The following KIF2C variants were observed in gnomAD, a reference collection of about 807,000 sequenced individuals.
The protein encoded by KIF2C is kinesin-like protein KIF2C.
A neutral mutation model predicts 97.4 loss-of-function variants in KIF2C; 34 were observed. The observed-to-expected ratio is 0.35, with a 90% confidence interval of 0.27 to 0.46. The LOEUF (loss-of-function observed/expected upper bound fraction) is 0.46. Ranked by LOEUF, KIF2C falls within the 20% of genes least tolerant of loss-of-function variation. The pLI, the probability that KIF2C is intolerant of heterozygous loss-of-function variation, is 1.00. For missense variants in KIF2C, 750 were observed against 907.6 expected (o/e 0.83, Z 2.23); for synonymous variants, 313 against 318.2 (o/e 0.98, Z 0.17).
At chr1:44,741,121 G>A (rs1183922680) in intron 2 of KIF2C, 114 bp downstream of exon 2, 11 of 757,268 alleles carry the variant, frequency 1.5e-5, no homozygotes, top group African/African-American at 8.8e-5. Flanking sequence ...TCTCACTCAC[G>A]CCTGTAATCC....
chr1:44,764,569 G>T (rs1037946005), intron 19 of KIF2C, among the ~76,000 whole-genome samples: 1 of 151,708 alleles, frequency 6.6e-6, no homozygotes, highest in African/African-American at 2.4e-5. Flanking sequence ...GAGTGCAACG[G>T]CACCATCTCG....
Position 44,760,106 on chromosome 1 carries a change from T to C in KIF2C, c.1368-174T>C, listed in dbSNP as rs913916093. On this transcript the variant is annotated intron_variant, in intron 14 of 20. Transcript: ENST00000372224. This position sits in a 1 kb window ranked among gnomAD's most constrained non-coding sequence, Gnocchi z 4.2. ...TTGGCTGCCAGGAAAATGTATTAGGTCCAGAGCTGGAGGGAGAATTGCTAC... is the reference window on the plus strand; with the variant it reads ...TTGGCTGCCAGGAAAATGTATTAGGCCCAGAGCTGGAGGGAGAATTGCTAC... Among the ~76,000 whole-genome samples the C allele has an allele frequency of 6.6e-6, 1 of 152,006 alleles. No individual in the cohort carries two copies. Among genetic ancestry groups the C allele is most frequent in the African/African-American group, 2.4e-5 (1 of 41,398 alleles).
chr1:44,765,507 TGAG>T (rs1213829892), intron 19 of KIF2C, among the ~76,000 whole-genome samples: 8 of 151,958 alleles, frequency 5.3e-5, no homozygotes, highest in Admixed American at 6.6e-5. Context: ...GGAGCAGAAT[TGAG>T]GAGGATTTGG....
At chr1:44,754,200 C>A (rs887242648) in intron 7 of KIF2C, among the ~76,000 whole-genome samples, 2 of 151,974 alleles carry the variant, frequency 1.3e-5, no homozygotes, top group Non-Finnish European at 2.9e-5. Context: ...GGATTGTAGG[C>A]ATGAGCTGTT....
chr1:44,759,241 C>A lies in KIF2C; in HGVS notation c.1260C>A (p.Arg420=), dbSNP rs776412145. The change falls in exon 14 of 21, where the codon CGC becomes CGA. Residue 420 remains arginine, a synonymous_variant. Transcript: ENST00000372224. ...FDLLNKKAKL[R]VLEDGKQQVQ... is the part of the protein sequence containing the mutation. ...TGCTCAACAAGAAGGCCAAGCTGCG[C>A]GTGCTGGAGGACGGCAAGCAACAGG... 22 of 1,614,132 alleles carry A rather than the reference C, an allele frequency of 1.4e-5. No homozygotes were observed. In the South Asian group the frequency reaches 2.3e-4, roughly 17 times the overall value.
chr1:44,746,543 A>T, intron 2 of KIF2C: 1 of 1,346,522 alleles, frequency 7.4e-7, no homozygotes, highest in Non-Finnish European at 9.5e-7. Flanking sequence ...GACAGTTAGA[A>T]CTTGTTTCCT....
intron 19 of KIF2C, among the ~76,000 whole-genome samples, chr1:44,766,085 C>T (rs548986325): frequency 1.3e-5 from 2 of 149,174 alleles, no homozygotes; most frequent in East Asian, 4.0e-4. Flanking sequence ...AATTAGCTGG[C>T]TATGGTGGTG....
chr1:44,761,935 G>A lies in KIF2C; in HGVS notation c.1703G>A (p.Gly568Asp), dbSNP rs1557600787. The change falls in exon 17 of 21, where the codon GGC becomes GAC. Residue 568 changes from glycine to aspartate, a missense_variant. Gly to Asp is a moderately conservative substitution (Grantham distance 94). Coordinates refer to ENST00000372224, the MANE Select transcript of KIF2C (RefSeq NM_006845.4). ...TTGCAGATTGCCACGATCTCACCAG[G>A]CATAAGCTCCTGTGAATATACTTTA... Reference protein sequence around the residue: ...RTCMIATISPGISSCEYTLNT... With the variant: ...RTCMIATISPDISSCEYTLNT... 1.9e-6 allele frequency: 3 copies of A among 1,614,152 alleles called. No homozygotes were observed. The highest frequency in any genetic ancestry group is 2.5e-6 in the Non-Finnish European group (3 of 1,180,012).
In KIF2C at chr1:44,760,508, TG is replaced by T. The variant is rs1557599787; in HGVS notation, c.1572+26del. On this transcript the variant is annotated intron_variant, in intron 15 of 20. Transcript: ENST00000372224. This position sits in a 1 kb window ranked among gnomAD's most constrained non-coding sequence, Gnocchi z 4.2. The stretch of plus-strand genomic sequence containing the variant: ...AGGTAGTGGGGCAGCTAGAGCTGGT[TG>T]GCCGGGAGAGCTACTGGGAAGGGAT... 6 of 1,613,218 alleles carry T rather than the reference TG, an allele frequency of 3.7e-6. No individual in the cohort carries two copies. In the East Asian group the frequency reaches 1.3e-4, roughly 36 times the overall value.
At position 44,756,358 on chromosome 1, in the gene KIF2C, TTTTCTTTGGGTCACACCC is replaced by T. The variant is rs1256661079; in HGVS notation, c.977+125_977+142del. On this transcript the variant is annotated intron_variant, in intron 10 of 20. Coordinates refer to ENST00000372224, the MANE Select transcript of KIF2C (RefSeq NM_006845.4). ...CTGAGGCTCTTCCTCGCTTCTTGTG[TTTTCTTTGGGTCACACCC>T]TTTGGCAGCTTAGTGGCCCATCCTT... is the stretch of plus-strand genomic sequence containing the variant. 5.6e-6 allele frequency: 6 copies of T among 1,076,420 alleles called. No individual in the cohort carries two copies. In the Middle Eastern group the frequency reaches 1.0e-3, roughly 186 times the overall value. The allele number at this position is 1,076,420 out of a possible 1,614,324, so 66.7% of individuals were successfully genotyped here. A position where few individuals can be genotyped will look rare whatever the true frequency, so the allele number is the denominator to read the frequency against.
chr1:44,756,168 A>T lies in KIF2C; in HGVS notation c.908A>T (p.Tyr303Phe). ...AAGTTGAAAGTGGACTTAACAAAGT[A>T]TCTGGAGAACCAAGCATTCTGCTTT... ...EPKLKVDLTKYLENQAFCFDF... is the reference protein window; with the variant it reads ...EPKLKVDLTKFLENQAFCFDF... The change falls in exon 10 of 21, where the codon TAT (tyrosine) becomes TTT (phenylalanine). Residue 303 changes from tyrosine to phenylalanine, a missense_variant. Transcript: ENST00000372224. 6.2e-7 allele frequency: 1 copy of T among 1,614,278 alleles called. No individual in the cohort carries two copies. Among genetic ancestry groups the T allele is most frequent in the South Asian group, 1.1e-5 (1 of 91,092 alleles).
In KIF2C at chr1:44,762,550, C is replaced by G; in HGVS notation, c.1863C>G (p.Ser621=). The part of the protein sequence containing the change: ...SNGALIPGNL[S]KEEEELSSQM... ...TTTCTTTTTGGCCCTCTCAGTTATCCAAGGAAGAGGAGGAACTGTCTTCCC... is the reference window on the plus strand; with the variant it reads ...TTTCTTTTTGGCCCTCTCAGTTATCGAAGGAAGAGGAGGAACTGTCTTCCC... Residue 621 remains serine, a synonymous_variant, in exon 19 of 21, where the codon TCC becomes TCG. Transcript: ENST00000372224. 1.9e-6 allele frequency: 3 copies of G among 1,613,746 alleles called. No homozygotes were observed. Among genetic ancestry groups the G allele is most frequent in the Non-Finnish European group, 2.5e-6 (3 of 1,179,650 alleles).
chr1:44,756,073 A>C lies in KIF2C; in HGVS notation c.815-2A>C, dbSNP rs1361374337. ...ACCCCCTGAAATACTCTCCTTCTGC[A>C]GAATTGGCCAAGAAAGAAATTGATG... On this transcript the variant is annotated splice_acceptor_variant, in intron 9 of 20. Transcript: ENST00000372224. LOFTEE classifies it high-confidence loss of function. 1 of 1,614,112 alleles carries C rather than the reference A, an allele frequency of 6.2e-7. No homozygotes were observed. Among genetic ancestry groups the C allele is most frequent in the Non-Finnish European group, 8.5e-7 (1 of 1,180,038 alleles).
At chr1:44,766,538 G>A (rs904962736) in intron 19 of KIF2C, among the ~76,000 whole-genome samples, 1 of 152,120 alleles carries the variant, frequency 6.6e-6, no homozygotes, top group Non-Finnish European at 1.5e-5. Context: ...TTAAACTCGG[G>A]GGGTGGAGGC....
intron 10 of KIF2C, 101 bp from the exon 11 acceptor site, chr1:44,757,455 A>G: frequency 1.3e-6 from 1 of 773,842 alleles, no homozygotes; most frequent in South Asian, 1.5e-5. Context: ...CTATTCTTAG[A>G]AGGAGGAATC....
Position 44,760,558 on chromosome 1 carries a change from GA to G in KIF2C, c.1573-32del. 1 of 1,612,702 alleles carries G rather than the reference GA, an allele frequency of 6.2e-7. No individual in the cohort carries two copies. Among genetic ancestry groups the G allele is most frequent in the Non-Finnish European group, 8.5e-7 (1 of 1,179,128 alleles). ...ATGGGGAGGGATCAGTGCAAGGAAA[GA>G]AGGGACCTCAGTTGTTCCTGCTGCC... On this transcript the variant is annotated intron_variant, in intron 15 of 20. Coordinates refer to ENST00000372224, the MANE Select transcript of KIF2C (RefSeq NM_006845.4). This position sits in a 1 kb window ranked among gnomAD's most constrained non-coding sequence, Gnocchi z 4.2.
intron 2 of KIF2C, among the ~76,000 whole-genome samples, chr1:44,742,718 CA>C (rs5773851): frequency 0.44 from 38,534 of 87,354 alleles, 5,360 homozygotes; most frequent in Middle Eastern, 0.58. Context: ...AACTTCGTCT[CA>C]AAAAAAAAAA....
chr1:44,739,981 A>G lies in KIF2C; in HGVS notation c.49A>G (p.Ile17Val). Residue 17 changes from isoleucine (I) to valine (V), a missense_variant, in exon 1 of 21, where the codon ATC becomes GTC. By Grantham distance (29) the Ile-to-Val change is conservative. Transcript: ENST00000372224. ...GGCCCGCCTGTTTCCCGGTCTCGCTATCAAGATCCAACGCAGTAATGGTGA... is the reference window on the plus strand; with the variant it reads ...GGCCCGCCTGTTTCCCGGTCTCGCTGTCAAGATCCAACGCAGTAATGGTGA... Reference protein sequence around the residue: ...LQARLFPGLAIKIQRSNGLIH... With the variant: ...LQARLFPGLAVKIQRSNGLIH... 6.2e-7 allele frequency: 1 copy of G among 1,614,206 alleles called. No individual in the cohort carries two copies. The highest frequency in any genetic ancestry group is 8.5e-7 in the Non-Finnish European group (1 of 1,180,032).
chr1:44,767,196 T>C lies in KIF2C; in HGVS notation c.*17T>C, dbSNP rs775470664. On this transcript the variant is annotated 3_prime_UTR_variant, in exon 21 of 21. Transcript: ENST00000372224. ...CCCCAGTGACGACTGCAAATAAAAA[T>C]CTGTTTGGTTTGACACCCAGCCTCT... 1.9e-6 allele frequency: 3 copies of C among 1,612,222 alleles called. No homozygotes were observed. Among genetic ancestry groups the C allele is most frequent in the African/African-American group, 2.7e-5 (2 of 74,978 alleles).
Sources: gnomAD v4.1 joint callset for allele counts (sites outside exome capture counted in the v4.1 genomes callset) on GRCh38, gnomAD v4.1.1 for gene constraint, Gnocchi (gnomAD v3.1) non-coding constraint, MANE v1.5 for transcripts, NCBI Gene and HGNC (gene_info 2026-07-23, HGNC 2026-07-21) for gene names.